Variants in INPP4B observed in about 807,000 individuals in gnomAD.
INPP4B encodes the protein inositol polyphosphate-4-phosphatase type II B, also known as inositol polyphosphate 4-phosphatase type II.
INPP4B carries 55 observed loss-of-function variants against 122.5 expected under a neutral mutation model. The ratio of observed to expected loss-of-function variants is 0.45; its 90% CI spans 0.36 to 0.56. The LOEUF (loss-of-function observed/expected upper bound fraction) is 0.56, where lower values mean the gene tolerates loss of function less well. INPP4B is among the 20% of genes least tolerant of loss of function. The pLI is 0.00. For missense variants in INPP4B, 1,000 were observed against 1,097.7 expected, an observed-to-expected ratio of 0.91 and a Z score of 1.26; for synonymous variants, 403 against 388.7, an observed-to-expected ratio of 1.04 and a Z score of -0.43.
At chr4:142,633,758 G>A (rs1748496051) in intron 2 of INPP4B, among the ~76,000 whole-genome samples, 1 of 151,790 alleles carries the variant, frequency 6.6e-6, no homozygotes, top group East Asian at 1.9e-4. Context: ...AAGGTAAAAT[G>A]ACACAAAATT....
chr4:142,561,822 C>T (rs1382351897), intron 2 of INPP4B, among the ~76,000 whole-genome samples: 1 of 152,092 alleles, frequency 6.6e-6, no homozygotes, highest in Non-Finnish European at 1.5e-5. Flanking sequence ...TTTTGGTGCT[C>T]ATCTTCTTTT....
intron 3 of INPP4B, among the ~76,000 whole-genome samples, chr4:142,459,156 G>A (rs1816174169): frequency 6.6e-6 from 1 of 152,054 alleles, no homozygotes; most frequent in African/African-American, 2.4e-5. Context: ...TGTTAGGAAA[G>A]GTTAACAGGG....
At chr4:142,709,200 C>A (rs2150787804) in intron 2 of INPP4B, among the ~76,000 whole-genome samples, 1 of 152,232 alleles carries the variant, frequency 6.6e-6, no homozygotes. Context: ...CCCATTGTAT[C>A]TTAGAAGTAA....
intron 1 of INPP4B, among the ~76,000 whole-genome samples, chr4:142,750,122 A>G (rs1769445897): frequency 1.3e-5 from 2 of 152,076 alleles, no homozygotes; most frequent in Admixed American, 6.6e-5. Flanking sequence ...TAGACACAAG[A>G]TAGATTAAGT....
At chr4:142,126,639 A>G (rs1299731451) in intron 18 of INPP4B, among the ~76,000 whole-genome samples, 4 of 152,164 alleles carry the variant, frequency 2.6e-5, no homozygotes, top group Non-Finnish European at 5.9e-5. Context: ...AGCCCTATTA[A>G]TGCATGATCA....
intron 2 of INPP4B, among the ~76,000 whole-genome samples, chr4:142,658,776 C>T (rs1484082486): frequency 2.6e-5 from 4 of 152,046 alleles, no homozygotes; most frequent in Non-Finnish European, 5.9e-5. Flanking sequence ...TGGTCTCATA[C>T]CTCATCTATG....
intron 14 of INPP4B, among the ~76,000 whole-genome samples, chr4:142,207,779 G>A (rs1437493972): frequency 6.6e-6 from 1 of 152,130 alleles, no homozygotes; most frequent in African/African-American, 2.4e-5. Flanking sequence ...ATGAAAAAGC[G>A]AGATGAAAAG....
At chr4:142,644,760 A>G (rs1056519156) in intron 2 of INPP4B, among the ~76,000 whole-genome samples, 1 of 148,692 alleles carries the variant, frequency 6.7e-6, no homozygotes, top group Non-Finnish European at 1.5e-5. Context: ...AAAAAAAAAA[A>G]AAAAAAATTG....
Position 142,718,291 on chromosome 4 carries a change from C to A in INPP4B, c.-191+7548G>T, listed in dbSNP as rs57566039. The stretch of plus-strand genomic sequence containing the variant: ...CATGTTGAGAAGAAATGCACTGATA[C>A]ATATAGAAATGGAAGTTAGCTTTTT... On this transcript the variant is annotated intron_variant, in intron 2 of 25. Transcript: ENST00000262992. Among the ~76,000 whole-genome samples, 1,154 of 152,268 alleles carry A rather than the reference C, an allele frequency of 7.6e-3. 11 individuals are homozygous for A. Among genetic ancestry groups the A allele is most frequent in the African/African-American group, 0.026 (1,077 of 41,560 alleles).
At chr4:142,150,347 G>A (rs1321016206) in intron 17 of INPP4B, among the ~76,000 whole-genome samples, 1 of 152,160 alleles carries the variant, frequency 6.6e-6, no homozygotes, top group African/African-American at 2.4e-5. Flanking sequence ...CACATGAGAG[G>A]ATTAAAAACA....
At chr4:142,647,027 G>A (rs1026888610) in intron 2 of INPP4B, among the ~76,000 whole-genome samples, 6 of 152,056 alleles carry the variant, frequency 3.9e-5, no homozygotes, top group Non-Finnish European at 7.4e-5. Flanking sequence ...CTTTACTGGT[G>A]GATAAAAATT....
chr4:142,561,659 T>C (rs1262882089), intron 2 of INPP4B, among the ~76,000 whole-genome samples: 2 of 152,118 alleles, frequency 1.3e-5, no homozygotes, highest in Non-Finnish European at 2.9e-5. Context: ...GAACTCATGA[T>C]CCTCCCGCCT....
Position 142,120,274 on chromosome 4 carries a change from T to C in INPP4B, c.2135+1854A>G, listed in dbSNP as rs147629338. Among the ~76,000 whole-genome samples the C allele has an allele frequency of 3.3e-5, 5 of 152,202 alleles. No individual in the cohort carries two copies. In the East Asian group the frequency reaches 7.8e-4, roughly 24 times the overall value. On this transcript the variant is annotated intron_variant, in intron 21 of 25. Coordinates refer to ENST00000262992, the MANE Select transcript of INPP4B (RefSeq NM_001101669.3). ...TGTAGTAATTTGTGAAGTCAGAAAG[T>C]GTAAGTTTTTCCACTTTGTTCTTCT... is the stretch of plus-strand genomic sequence containing the variant.
intron 2 of INPP4B, among the ~76,000 whole-genome samples, chr4:142,651,674 G>T (rs1752992311): frequency 6.6e-6 from 1 of 152,136 alleles, no homozygotes; most frequent in African/African-American, 2.4e-5. Context: ...AAACCAGGAA[G>T]AAATCGAATC....
Position 142,731,617 on chromosome 4 carries a change from G to A in INPP4B, c.-253-5716C>T, listed in dbSNP as rs558010183. ...CTCAGGCTCAAGAGCATAGGCAAGA[G>A]GAAAAGAAACAGAGGAGGAAGTCAA... On this transcript the variant is annotated intron_variant, in intron 1 of 25. Coordinates refer to ENST00000262992, the MANE Select transcript of INPP4B (RefSeq NM_001101669.3). Among the ~76,000 whole-genome samples the A allele has an allele frequency of 4.6e-5, 7 of 152,218 alleles. No individual in the cohort carries two copies. In the South Asian group the frequency reaches 1.5e-3, roughly 32 times the overall value.
At chr4:142,771,828 C>T (rs1773121608) in intron 1 of INPP4B, among the ~76,000 whole-genome samples, 1 of 151,908 alleles carries the variant, frequency 6.6e-6, no homozygotes, top group Admixed American at 6.6e-5. Context: ...AATTTTTTTT[C>T]ACATCACACA....
intron 24 of INPP4B, among the ~76,000 whole-genome samples, chr4:142,083,407 T>C (rs1775136047): frequency 6.6e-6 from 1 of 152,178 alleles, no homozygotes; most frequent in Non-Finnish European, 1.5e-5. Flanking sequence ...GCCTTATGAG[T>C]AATAGGGGAA....
At chr4:142,760,414 G>T (rs774857241) in intron 1 of INPP4B, among the ~76,000 whole-genome samples, 6 of 152,050 alleles carry the variant, frequency 3.9e-5, no homozygotes, top group East Asian at 1.9e-4. Context: ...TATCGTAAAA[G>T]GTTATTGTTT....
At chr4:142,102,222 A>G (rs1784783973) in intron 23 of INPP4B, among the ~76,000 whole-genome samples, 2 of 152,080 alleles carry the variant, frequency 1.3e-5, no homozygotes. Flanking sequence ...TGCTAACTAA[A>G]AATATAAGTT....
Sources: gnomAD v4.1 joint callset for allele counts (sites outside exome capture counted in the v4.1 genomes callset) on GRCh38, gnomAD v4.1.1 for gene constraint, MANE v1.5 for transcripts, NCBI Gene and HGNC (gene_info 2026-07-23, HGNC 2026-07-21) for gene names.